TMEM232: variants seen among roughly 807,000 people sequenced by gnomAD.
The protein encoded by TMEM232 is transmembrane protein 232.
In TMEM232, 80 loss-of-function variants were observed where a neutral mutation model predicts 78.8. The observed-to-expected ratio is 1.01, with a 90% CI of 0.85 to 1.22. The LOEUF is 1.22. TMEM232 is among the 50% of genes most tolerant of loss of function. The pLI, the probability that TMEM232 is intolerant of heterozygous loss-of-function variation, is 0.00. For missense variants in TMEM232, 881 were observed against 742.2 expected, an observed-to-expected ratio of 1.19 and a Z score of -2.17; for synonymous variants, 297 against 254.3, an observed-to-expected ratio of 1.17 and a Z score of -1.60.
At chr5:110,649,710 C>T (rs929014746) in intron 2 of TMEM232, among the ~76,000 whole-genome samples, 4 of 152,042 alleles carry the variant, frequency 2.6e-5, no homozygotes, top group Non-Finnish European at 4.4e-5. Flanking sequence ...AGAATCTTTT[C>T]GAGTATGAAG....
intron 8 of TMEM232, among the ~76,000 whole-genome samples, chr5:110,612,459 A>G (rs1782426508): frequency 6.6e-6 from 1 of 152,276 alleles, no homozygotes; most frequent in South Asian, 2.1e-4. Context: ...TAAGAAATGA[A>G]GGAGTACTGA....
chr5:110,726,323 C>T (rs1387382997), intron 1 of TMEM232, among the ~76,000 whole-genome samples: 2 of 152,048 alleles, frequency 1.3e-5, no homozygotes, highest in Admixed American at 6.5e-5. Context: ...ATGAATTTCC[C>T]TATTCATAGC....
intron 12 of TMEM232, among the ~76,000 whole-genome samples, chr5:110,426,324 T>C (rs1013148580): frequency 1.3e-5 from 2 of 152,042 alleles, no homozygotes; most frequent in African/African-American, 4.8e-5. Flanking sequence ...TACATGATCA[T>C]GGATACTTTT....
At chr5:110,719,498 C>T (rs1232649520) in intron 1 of TMEM232, among the ~76,000 whole-genome samples, 1 of 151,880 alleles carries the variant, frequency 6.6e-6, no homozygotes, top group Non-Finnish European at 1.5e-5. Flanking sequence ...CTTTTTTCCC[C>T]CTCCTGTATA....
intron 10 of TMEM232, among the ~76,000 whole-genome samples, chr5:110,577,909 A>C (rs991600358): frequency 9.9e-5 from 15 of 151,986 alleles, no homozygotes; most frequent in Non-Finnish European, 1.9e-4. Context: ...ATCAGGATAC[A>C]TAACTAATGG....
At chr5:110,461,205 T>C (rs1382049412) in intron 12 of TMEM232, among the ~76,000 whole-genome samples, 1 of 151,510 alleles carries the variant, frequency 6.6e-6, no homozygotes, top group East Asian at 1.9e-4. Flanking sequence ...AAAAAAAGAA[T>C]CGTTATTAAA....
intron 1 of TMEM232, among the ~76,000 whole-genome samples, chr5:110,711,574 C>T (rs1381765795): frequency 3.3e-5 from 5 of 152,064 alleles, no homozygotes. Context: ...ATGGTATTGG[C>T]ATAAAAACAG....
intron 11 of TMEM232, among the ~76,000 whole-genome samples, chr5:110,533,125 TC>T (rs1771796477): frequency 6.6e-6 from 1 of 152,130 alleles, no homozygotes; most frequent in African/African-American, 2.4e-5. Flanking sequence ...GCACCCCTCG[TC>T]CCAGCCTCTC....
chr5:110,462,919 G>A (rs1761695736), intron 12 of TMEM232, among the ~76,000 whole-genome samples: 1 of 152,134 alleles, frequency 6.6e-6, no homozygotes, highest in South Asian at 2.1e-4. Context: ...GCTTCTTATG[G>A]ATGAGCAAAA....
chr5:110,566,091 T>C (rs1776308068), intron 11 of TMEM232, among the ~76,000 whole-genome samples: 1 of 152,044 alleles, frequency 6.6e-6, no homozygotes, highest in Non-Finnish European at 1.5e-5. Context: ...TTATATTAGC[T>C]AGTCTAAAAT....
intron 1 of TMEM232, among the ~76,000 whole-genome samples, chr5:110,713,479 C>T (rs923243707): frequency 4.6e-5 from 7 of 151,936 alleles, no homozygotes; most frequent in East Asian, 1.9e-4. Context: ...GATTATTATG[C>T]ATTGCAAGCC....
chr5:110,536,640 C>A (rs907183334), intron 11 of TMEM232, among the ~76,000 whole-genome samples: 1 of 152,176 alleles, frequency 6.6e-6, no homozygotes, highest in Admixed American at 6.5e-5. Flanking sequence ...ATGCTAAATT[C>A]TTCTCTTCCC....
intron 11 of TMEM232, among the ~76,000 whole-genome samples, chr5:110,547,306 G>C (rs1490892258): frequency 6.6e-6 from 1 of 152,106 alleles, no homozygotes; most frequent in East Asian, 1.9e-4. Flanking sequence ...TTACGCATGA[G>C]AGGGAAGAAA....
At chr5:110,593,076 G>A (rs72771452) in intron 10 of TMEM232, among the ~76,000 whole-genome samples, 5,670 of 152,180 alleles carry the variant, frequency 0.037, 157 homozygotes, top group Middle Eastern at 0.054. Context: ...TTATAAAGAT[G>A]AGAAAACAAT....
intron 12 of TMEM232, among the ~76,000 whole-genome samples, chr5:110,519,867 G>A (rs1038078004): frequency 6.7e-6 from 1 of 150,084 alleles, no homozygotes; most frequent in Admixed American, 6.7e-5. Flanking sequence ...AATAAGCCAG[G>A]CCAGAAAGAC....
At chr5:110,690,150 C>T (rs1469121528) in intron 1 of TMEM232, among the ~76,000 whole-genome samples, 1 of 152,118 alleles carries the variant, frequency 6.6e-6, no homozygotes. Flanking sequence ...TCTAATTAAA[C>T]TAAAGAGCTT....
At chr5:110,576,606 G>C (rs1374650150) in intron 10 of TMEM232, among the ~76,000 whole-genome samples, 1 of 152,020 alleles carries the variant, frequency 6.6e-6, no homozygotes, top group Non-Finnish European at 1.5e-5. Context: ...AACAAAGCTG[G>C]AGGCATTAAG....
intron 12 of TMEM232, among the ~76,000 whole-genome samples, chr5:110,495,122 A>G: frequency 6.6e-6 from 1 of 150,990 alleles, no homozygotes; most frequent in Middle Eastern, 3.4e-3. Flanking sequence ...ATTTTTATAT[A>G]TTAAATATTA....
At chr5:110,490,317 T>C (rs78298349) in intron 12 of TMEM232, among the ~76,000 whole-genome samples, 1,918 of 152,166 alleles carry the variant, frequency 0.013, 42 homozygotes, top group African/African-American at 0.044. Context: ...ACAAGAGAAG[T>C]ACAAGACTTA....
Sources: allele counts gnomAD v4.1 joint callset (sites outside exome capture counted in the v4.1 genomes callset), GRCh38; gene constraint gnomAD v4.1.1; transcripts MANE v1.5; gene names NCBI Gene and HGNC (gene_info 2026-07-23, HGNC 2026-07-21).